Variants in LHCGR observed in about 807,000 individuals in gnomAD.
The protein encoded by LHCGR is luteinizing hormone/choriogonadotropin receptor.
Under a neutral mutation model 60.7 loss-of-function variants are expected in LHCGR, and 55 were observed. That is an observed-to-expected ratio of 0.91 (90% CI 0.73 to 1.13). The LOEUF (loss-of-function observed/expected upper bound fraction) is 1.13. LHCGR is among the 50% of genes most tolerant of loss of function. LHCGR has a pLI of 0.00. For synonymous variants in LHCGR, 337 were observed against 316.5 expected (o/e 1.06, Z -0.69); for missense variants, 862 against 836.0 (o/e 1.03, Z -0.38).
intron 9 of LHCGR, 78 bp downstream of exon 9, chr2:48,698,537 C>G (rs1030187075): frequency 6.1e-6 from 7 of 1,147,916 alleles, no homozygotes; most frequent in Non-Finnish European, 9.1e-6. Flanking sequence ...GGGAGTGGAG[C>G]TGTCTACTCA....
chr2:48,692,452 T>C (rs1373116517), intron 10 of LHCGR, among the ~76,000 whole-genome samples: 1 of 152,242 alleles, frequency 6.6e-6, no homozygotes, highest in Admixed American at 6.5e-5. Flanking sequence ...CCTGGTGATT[T>C]ATCTTTGGAC....
At chr2:48,747,620 T>C (rs1669768818) in intron 1 of LHCGR, among the ~76,000 whole-genome samples, 1 of 152,194 alleles carries the variant, frequency 6.6e-6, no homozygotes, top group Non-Finnish European at 1.5e-5. Context: ...ATTGGAAATT[T>C]ATAAAAGAGG....
At chr2:48,713,874 A>G (rs1250081188) in intron 7 of LHCGR, 112 bp downstream of exon 7, 15 of 853,082 alleles carry the variant, frequency 1.8e-5, no homozygotes, top group South Asian at 5.7e-5. Context: ...AGGGCTAGCC[A>G]CTTGAAAGTT....
chr2:48,708,732 C>G (rs1219375592), intron 8 of LHCGR: 1 of 606,844 alleles, frequency 1.6e-6, no homozygotes, highest in Non-Finnish European at 3.0e-6. Context: ...CATCTAGCTT[C>G]CAGAACCATA....
chr2:48,712,804 A>G (rs1668058111), intron 7 of LHCGR, among the ~76,000 whole-genome samples: 2 of 152,074 alleles, frequency 1.3e-5, no homozygotes, highest in African/African-American at 4.8e-5. Flanking sequence ...ATGAATGAAG[A>G]CACTGTGGCT....
In LHCGR at chr2:48,687,584, C is replaced by A; in HGVS notation, c.*113G>T. Reference sequence around the variant, plus strand: ...AGGTAGAGGTCTCTTGCCTAATGTACCTAAAAATAAATAATTTCCTAAATC... The same window carrying A: ...AGGTAGAGGTCTCTTGCCTAATGTAACTAAAAATAAATAATTTCCTAAATC... On this transcript the variant is annotated 3_prime_UTR_variant, in exon 11 of 11. Coordinates refer to ENST00000294954, the MANE Select transcript of LHCGR (RefSeq NM_000233.4). The A allele has an allele frequency of 1.1e-6, 1 of 882,926 alleles. No individual in the cohort carries two copies. The highest frequency in any genetic ancestry group is 1.8e-6 in the Non-Finnish European group (1 of 550,616). 54.7% of individuals were successfully genotyped at this position (882,926 alleles called of 1,614,324 possible). A position where few individuals can be genotyped will look rare whatever the true frequency, so the allele number is the denominator to read the frequency against.
At chr2:48,749,378 C>A (rs577808544) in intron 1 of LHCGR, among the ~76,000 whole-genome samples, 1 of 152,336 alleles carries the variant, frequency 6.6e-6, no homozygotes, top group East Asian at 1.9e-4. Context: ...TTGCTAAAAT[C>A]TGCATTAAAT....
chr2:48,748,352 G>A (rs898424788), intron 1 of LHCGR, among the ~76,000 whole-genome samples: 1 of 152,168 alleles, frequency 6.6e-6, no homozygotes, highest in Non-Finnish European at 1.5e-5. Context: ...GATGGGGAAA[G>A]GGGGGAGGAA....
chr2:48,709,894 A>C (rs1435751873), intron 7 of LHCGR, among the ~76,000 whole-genome samples: 1 of 152,162 alleles, frequency 6.6e-6, no homozygotes, highest in Non-Finnish European at 1.5e-5. Context: ...CAAGTCTGCC[A>C]GCCTTCTTTT....
intron 1 of LHCGR, among the ~76,000 whole-genome samples, chr2:48,753,082 G>C (rs1670052492): frequency 6.7e-6 from 1 of 149,280 alleles, no homozygotes; most frequent in Non-Finnish European, 1.5e-5. Flanking sequence ...GCTGTGCCTT[G>C]GTTCTCAAAC....
chr2:48,753,086 C>T (rs1359935737), intron 1 of LHCGR, among the ~76,000 whole-genome samples: 3 of 148,266 alleles, frequency 2.0e-5, no homozygotes, highest in Admixed American at 1.4e-4. Context: ...TGCCTTGGTT[C>T]TCAAACTTTA....
chr2:48,719,007 G>T (rs181892855), intron 6 of LHCGR, among the ~76,000 whole-genome samples: 259 of 152,282 alleles, frequency 1.7e-3, no homozygotes, highest in African/African-American at 6.1e-3. Flanking sequence ...AGGGTGACAG[G>T]CATCAGAAAG....
intron 8 of LHCGR, 53 bp from the exon 9 acceptor site, chr2:48,698,853 T>C (rs1667256404): frequency 8.8e-6 from 13 of 1,478,592 alleles, no homozygotes; most frequent in Non-Finnish European, 1.2e-5. Context: ...ATACATTTTT[T>C]TTTTTTGAGA....
intron 8 of LHCGR, among the ~76,000 whole-genome samples, chr2:48,704,521 G>T (rs1667568089): frequency 6.6e-6 from 1 of 152,120 alleles, no homozygotes; most frequent in South Asian, 2.1e-4. Context: ...CCTGGTCCTG[G>T]ACTCTTTTTG....
chr2:48,721,749 C>T lies in LHCGR; in HGVS notation c.536+1707G>A, dbSNP rs1396320374. The T allele has an allele frequency of 1.9e-5, 9 of 470,960 alleles. No individual in the cohort carries two copies. The East Asian group carries it at 6.2e-4, about 33-fold the overall frequency. The allele number at this position is 470,960 out of a possible 1,614,324, so 29.2% of individuals were successfully genotyped here. On this transcript the variant is annotated intron_variant, in intron 6 of 10. Transcript: ENST00000294954. ...CTCTTTTTTCTTTAAGGGTGAGCTC[C>T]TTTATTGCCTCATCACAATTTTGCC...
intron 10 of LHCGR, among the ~76,000 whole-genome samples, chr2:48,689,339 CT>C (rs1351532337): frequency 2.6e-5 from 4 of 152,132 alleles, no homozygotes; most frequent in Non-Finnish European, 2.9e-5. Context: ...ATTTTCTTAA[CT>C]ATTTATCTCT....
chr2:48,746,703 A>C (rs2103717936), intron 1 of LHCGR, among the ~76,000 whole-genome samples: 1 of 152,364 alleles, frequency 6.6e-6, no homozygotes, highest in South Asian at 2.1e-4. Flanking sequence ...GCCTCAGAGG[A>C]AAATGGTAAG....
intron 1 of LHCGR, among the ~76,000 whole-genome samples, chr2:48,754,655 C>A (rs1205384437): frequency 1.3e-5 from 2 of 152,176 alleles, no homozygotes; most frequent in African/African-American, 4.8e-5. Flanking sequence ...CTCCCATCCG[C>A]TTCCCCAGCC....
At chr2:48,695,319 A>T (rs1667061679) in intron 9 of LHCGR, among the ~76,000 whole-genome samples, 2 of 152,080 alleles carry the variant, frequency 1.3e-5, no homozygotes, top group African/African-American at 2.4e-5. Context: ...TCATCAATTT[A>T]TGTTTTTGTT....
Sources: gnomAD v4.1 joint callset for allele counts (sites outside exome capture counted in the v4.1 genomes callset) on GRCh38, gnomAD v4.1.1 for gene constraint, MANE v1.5 for transcripts, NCBI Gene and HGNC (gene_info 2026-07-23, HGNC 2026-07-21) for gene names.